Variants in ITSN1 observed in about 807,000 individuals in gnomAD.
ITSN1 encodes intersectin 1, also known as intersectin-1.
Under a neutral mutation model 239.8 loss-of-function variants are expected in ITSN1, and 58 were observed. The observed-to-expected ratio is 0.24, with a 90% CI of 0.20 to 0.30. The LOEUF (loss-of-function observed/expected upper bound fraction) is 0.30, where lower values mean the gene tolerates loss of function less well. ITSN1 is among the 10% of genes least tolerant of loss of function. The pLI, the probability that ITSN1 is intolerant of heterozygous loss-of-function variation, is 1.00. For synonymous variants in ITSN1, 780 were observed against 770.8 expected (o/e 1.01, Z -0.20); for missense variants, 1,558 against 2,103.3 (o/e 0.74, Z 5.07).
chr21:33,653,043 G>A (rs1264547363), intron 1 of ITSN1, among the ~76,000 whole-genome samples: 1 of 148,834 alleles, frequency 6.7e-6, no homozygotes, highest in African/African-American at 2.5e-5. Flanking sequence ...TGCCCAGGCT[G>A]GAGCGCAGTG....
At chr21:33,729,237 G>A (rs2066015246) in intron 4 of ITSN1, among the ~76,000 whole-genome samples, 1 of 152,210 alleles carries the variant, frequency 6.6e-6, no homozygotes, top group Middle Eastern at 3.4e-3. Flanking sequence ...GATCACTTGA[G>A]CCCAGGAGTT....
chr21:33,688,783 A>G (rs1359351184), intron 1 of ITSN1, among the ~76,000 whole-genome samples: 1 of 152,018 alleles, frequency 6.6e-6, no homozygotes, highest in Non-Finnish European at 1.5e-5. Flanking sequence ...TCAGTTCTCT[A>G]AGAATAGTTC....
chr21:33,645,388 A>G (rs2087841822), intron 1 of ITSN1, among the ~76,000 whole-genome samples: 2 of 152,152 alleles, frequency 1.3e-5, no homozygotes, highest in African/African-American at 4.8e-5. Context: ...CAAACTTGTA[A>G]TCCCAACACT....
At chr21:33,782,663 A>G (rs1044464455) in intron 16 of ITSN1, among the ~76,000 whole-genome samples, 2 of 152,206 alleles carry the variant, frequency 1.3e-5, no homozygotes, top group African/African-American at 2.4e-5. Flanking sequence ...GAAATGTAAA[A>G]TGGTTAGATC....
chr21:33,676,948 T>C (rs986144060), intron 1 of ITSN1, among the ~76,000 whole-genome samples: 16 of 147,538 alleles, frequency 1.1e-4, no homozygotes, highest in African/African-American at 4.0e-4. Context: ...TAGGTGGGAA[T>C]TGAACAATGA....
At chr21:33,665,270 AAG>A (rs1298807174) in intron 1 of ITSN1, among the ~76,000 whole-genome samples, 2 of 152,218 alleles carry the variant, frequency 1.3e-5, no homozygotes, top group Admixed American at 1.3e-4. Context: ...CTCAAAAAAA[AAG>A]AAAAAAATAG....
chr21:33,729,901 G>A (rs2066063296), intron 4 of ITSN1, among the ~76,000 whole-genome samples: 1 of 152,160 alleles, frequency 6.6e-6, no homozygotes, highest in South Asian at 2.1e-4. Flanking sequence ...TCTACCTTTT[G>A]CATAGTGAAT....
At position 33,741,894 on chromosome 21, in the gene ITSN1, C is replaced by CAA. The variant is rs57036929; in HGVS notation, c.346+6710_346+6711dup. Among the ~76,000 whole-genome samples the CAA allele has an allele frequency of 7.9e-3, 578 of 73,534 alleles. 10 individuals are homozygous for CAA. Among genetic ancestry groups the CAA allele is most frequent in the South Asian group, 0.011 (16 of 1,512 alleles). The allele number at this position is 73,534 out of a possible 152,430, so 48.2% of individuals were successfully genotyped here. A position where few individuals can be genotyped will look rare whatever the true frequency, so the allele number is the denominator to read the frequency against. On this transcript the variant is annotated intron_variant, in intron 5 of 39. Coordinates refer to ENST00000381318, the MANE Select transcript of ITSN1 (RefSeq NM_003024.3). ...TGGGCGACAGAGCGAGATTCCGTCT[C>CAA]AAAAAAAAAAAAAAAAAAAAAGGAA...
Position 33,807,752 on chromosome 21 carries a change from G to A in ITSN1, c.2320-3223G>A, listed in dbSNP as rs552600626. On this transcript the variant is annotated intron_variant, in intron 20 of 39. Transcript: ENST00000381318. Reference sequence around the variant, plus strand: ...GAGCAGACGAGTAGGAGTTCCCGTCGATCAAGGGATCCACTTGAGCCCCTA... The same window carrying A: ...GAGCAGACGAGTAGGAGTTCCCGTCAATCAAGGGATCCACTTGAGCCCCTA... 4.6e-5 allele frequency among the ~76,000 whole-genome samples: 7 copies of A among 152,290 alleles called. No homozygotes were observed. The East Asian group carries it at 1.2e-3, about 25-fold the overall frequency.
intron 5 of ITSN1, among the ~76,000 whole-genome samples, chr21:33,749,615 C>T (rs575238544): frequency 7.3e-5 from 11 of 150,676 alleles, no homozygotes; most frequent in Non-Finnish European, 1.2e-4. Flanking sequence ...GCACTCCAGC[C>T]TGGGTGACAG....
intron 16 of ITSN1, among the ~76,000 whole-genome samples, chr21:33,793,031 T>C (rs1317003083): frequency 2.0e-5 from 3 of 152,198 alleles, no homozygotes; most frequent in Non-Finnish European, 2.9e-5. Flanking sequence ...ATCTCATTGT[T>C]CTTTTAAAGC....
At chr21:33,788,177 T>G (rs544663136) in intron 16 of ITSN1, among the ~76,000 whole-genome samples, 2 of 152,320 alleles carry the variant, frequency 1.3e-5, no homozygotes, top group East Asian at 3.9e-4. Flanking sequence ...TTTCTGGTAA[T>G]GCTTCCCAAG....
chr21:33,897,332 C>T lies in ITSN1; in HGVS notation c.*9032C>T, dbSNP rs1986840174. The T allele has an allele frequency of 6.6e-6, 1 of 152,284 alleles. No homozygotes were observed. Among genetic ancestry groups the T allele is most frequent in the African/African-American group, 2.4e-5 (1 of 41,434 alleles). 9.4% of individuals were successfully genotyped at this position (152,284 alleles called of 1,614,324 possible). A position where few individuals can be genotyped will look rare whatever the true frequency, so the allele number is the denominator to read the frequency against. ...GCCCTGCATAGATAGGGGAGTTGGC[C>T]CCTGCCCACCCCGTGTTGTATTGCC... On this transcript the variant is annotated 3_prime_UTR_variant, in exon 40 of 40. Transcript: ENST00000381318.
chr21:33,829,383 A>G (rs2074160205), intron 26 of ITSN1: 1 of 497,730 alleles, frequency 2.0e-6, no homozygotes, highest in Non-Finnish European at 3.6e-6. Flanking sequence ...GTTTCACGGG[A>G]TGACAAGGGA....
At chr21:33,734,721 G>A (rs1253680127) in intron 4 of ITSN1, among the ~76,000 whole-genome samples, 2 of 152,148 alleles carry the variant, frequency 1.3e-5, no homozygotes, top group African/African-American at 2.4e-5. Flanking sequence ...TCACAGAGTT[G>A]TGCGACAGTC....
chr21:33,746,706 A>G (rs1312364745), intron 5 of ITSN1, among the ~76,000 whole-genome samples: 2 of 151,666 alleles, frequency 1.3e-5, no homozygotes, highest in African/African-American at 2.4e-5. Flanking sequence ...GCTGGACATG[A>G]TGGCAGGCGC....
chr21:33,664,784 T>C (rs1045664117), intron 1 of ITSN1, among the ~76,000 whole-genome samples: 2 of 152,248 alleles, frequency 1.3e-5, no homozygotes, highest in African/African-American at 2.4e-5. Flanking sequence ...CTGGAATTTA[T>C]AATTTAAGAT....
At chr21:33,733,938 AT>A (rs956076454) in intron 4 of ITSN1, among the ~76,000 whole-genome samples, 2 of 152,022 alleles carry the variant, frequency 1.3e-5, no homozygotes, top group African/African-American at 4.8e-5. Flanking sequence ...CATACTTTTT[AT>A]TGTGTTACAT....
At chr21:33,752,604 G>A (rs1471536502) in intron 7 of ITSN1, among the ~76,000 whole-genome samples, 3 of 152,022 alleles carry the variant, frequency 2.0e-5, no homozygotes, top group Non-Finnish European at 4.4e-5. Context: ...AGAACTTTTG[G>A]GCCGGGTGTG....
Sources: allele counts gnomAD v4.1 joint callset (sites outside exome capture counted in the v4.1 genomes callset), GRCh38; gene constraint gnomAD v4.1.1; transcripts MANE v1.5; gene names NCBI Gene and HGNC (gene_info 2026-07-23, HGNC 2026-07-21).